Variants in TEK observed in about 807,000 individuals in gnomAD.
TEK encodes the protein angiopoietin-1 receptor.
In TEK, 43 loss-of-function variants were observed where a neutral mutation model predicts 131.8. That is an observed-to-expected ratio of 0.33 (90% CI 0.26 to 0.42). TEK has a LOEUF of 0.42. Among genes scored for constraint, TEK ranks in the 10% least tolerant of loss-of-function variants. The pLI is 1.00. For missense variants in TEK, 1,162 were observed against 1,384.4 expected, an observed-to-expected ratio of 0.84 and a Z score of 2.55; for synonymous variants, 580 against 491.6, an observed-to-expected ratio of 1.18 and a Z score of -2.38.
At chr9:27,136,496 C>T (rs1043274958) in intron 1 of TEK, among the ~76,000 whole-genome samples, 2 of 152,198 alleles carry the variant, frequency 1.3e-5, no homozygotes, top group African/African-American at 4.8e-5. Context: ...ATGTGCAGCT[C>T]AGCCTTCTAC....
chr9:27,129,725 A>T (rs1822136955), intron 1 of TEK, among the ~76,000 whole-genome samples: 1 of 152,162 alleles, frequency 6.6e-6, no homozygotes, highest in Admixed American at 6.5e-5. Flanking sequence ...CCTCCCTATC[A>T]TTGCCTCTGC....
intron 1 of TEK, among the ~76,000 whole-genome samples, chr9:27,128,268 T>A (rs1054958916): frequency 4.6e-5 from 7 of 152,198 alleles, no homozygotes; most frequent in African/African-American, 1.7e-4. Flanking sequence ...GTCAGGTTTG[T>A]TAAAGATAAG....
chr9:27,228,703 A>T (rs570910231), intron 22 of TEK, among the ~76,000 whole-genome samples: 1 of 152,166 alleles, frequency 6.6e-6, no homozygotes, highest in Admixed American at 6.6e-5. Flanking sequence ...ACTCCATAAA[A>T]ATTTCTAGAA....
chr9:27,160,121 C>A (rs942905745), intron 2 of TEK, among the ~76,000 whole-genome samples: 3 of 146,670 alleles, frequency 2.0e-5, no homozygotes, highest in African/African-American at 7.5e-5. Context: ...CTCCCGGGCT[C>A]ATGCTGTTCT....
intron 19 of TEK, 115 bp from the exon 20 acceptor site, chr9:27,218,662 A>G: frequency 9.7e-7 from 1 of 1,032,726 alleles, no homozygotes; most frequent in East Asian, 2.4e-5. Context: ...CCTAGGATGT[A>G]GACATTTAAC....
At position 27,192,561 on chromosome 9, in the gene TEK, G is replaced by A. The variant is rs766717660; in HGVS notation, c.1562G>A (p.Arg521His). Reference protein sequence around the residue: ...TEYELCVQLVRRGEGGEGHPG... With the variant: ...TEYELCVQLVHRGEGGEGHPG... Reference sequence around the variant, plus strand: ...TATGAACTCTGTGTGCAACTGGTCCGTCGTGGAGAGGGTGGGGAAGGGCAT... The same window carrying A: ...TATGAACTCTGTGTGCAACTGGTCCATCGTGGAGAGGGTGGGGAAGGGCAT... The change falls in exon 11 of 23, where the codon CGT becomes CAT. Residue 521 changes from arginine (R) to histidine (H), a missense_variant. Physicochemically the swap from Arg to His is conservative, Grantham distance 29 (BLOSUM62 0). This residue lies in a region of TEK where 477 missense variants were observed against 471.0 expected (regional missense o/e 1.01). Coordinates refer to ENST00000380036, the MANE Select transcript of TEK (RefSeq NM_000459.5). 12 of 1,613,808 alleles carry A rather than the reference G, an allele frequency of 7.4e-6. No individual in the cohort carries two copies. Among genetic ancestry groups the A allele is most frequent in the East Asian group, 2.2e-5 (1 of 44,862 alleles).
intron 21 of TEK, among the ~76,000 whole-genome samples, chr9:27,221,600 G>C (rs990761792): frequency 6.6e-6 from 1 of 152,214 alleles, no homozygotes; most frequent in South Asian, 2.1e-4. Context: ...TGCAGCCTCT[G>C]CTAGTGATAT....
chr9:27,221,324 A>G (rs1363727329), intron 21 of TEK, among the ~76,000 whole-genome samples: 2 of 152,234 alleles, frequency 1.3e-5, no homozygotes, highest in East Asian at 1.9e-4. Context: ...ACCTAGTGGT[A>G]AGGGTGGCTG....
chr9:27,224,995 C>A (rs1826255341), intron 21 of TEK, among the ~76,000 whole-genome samples: 1 of 152,206 alleles, frequency 6.6e-6, no homozygotes, highest in Non-Finnish European at 1.5e-5. Context: ...CATGAGTGAA[C>A]TCTCATTCAC....
chr9:27,112,805 A>T (rs1587467748), intron 1 of TEK, among the ~76,000 whole-genome samples: 2 of 152,204 alleles, frequency 1.3e-5, no homozygotes, highest in African/African-American at 4.8e-5. Context: ...ACCATTTCAA[A>T]ATAGGTAAAT....
chr9:27,225,612 A>G (rs181739769), intron 21 of TEK, among the ~76,000 whole-genome samples: 47 of 151,954 alleles, frequency 3.1e-4, no homozygotes, highest in African/African-American at 1.1e-3. Flanking sequence ...AGACAAACGT[A>G]AAATCTAAAA....
At chr9:27,162,776 C>T (rs573794555) in intron 2 of TEK, among the ~76,000 whole-genome samples, 190 of 151,800 alleles carry the variant, frequency 1.3e-3, no homozygotes, top group Non-Finnish European at 4.6e-4. Context: ...AGTGCAGTGG[C>T]GCGATCTCGG....
chr9:27,142,586 G>T (rs1702670143), intron 1 of TEK, among the ~76,000 whole-genome samples: 1 of 152,218 alleles, frequency 6.6e-6, no homozygotes, highest in African/African-American at 2.4e-5. Context: ...AGAGAAATCT[G>T]CTATTTTAGA....
intron 1 of TEK, among the ~76,000 whole-genome samples, chr9:27,120,885 C>T (rs938843677): frequency 2.6e-5 from 4 of 152,168 alleles, no homozygotes; most frequent in Non-Finnish European, 5.9e-5. Context: ...TTGGTACTTG[C>T]CTTTGTCATA....
At chr9:27,218,917 T>C (rs1825932125) in intron 20 of TEK, 100 bp downstream of exon 20, 2 of 1,185,542 alleles carry the variant, frequency 1.7e-6, no homozygotes, top group Non-Finnish European at 2.5e-6. Context: ...GCCGTTTGTA[T>C]GTGGTTCTAC....
intron 11 of TEK, among the ~76,000 whole-genome samples, chr9:27,196,206 T>G (rs1270334792): frequency 6.6e-6 from 1 of 152,248 alleles, no homozygotes; most frequent in Non-Finnish European, 1.5e-5. Flanking sequence ...GACATAACTT[T>G]TAGCATGCCT....
intron 1 of TEK, among the ~76,000 whole-genome samples, chr9:27,135,564 C>T (rs1298737473): frequency 2.0e-5 from 3 of 152,078 alleles, no homozygotes; most frequent in East Asian, 1.9e-4. Flanking sequence ...ATAAAATTTA[C>T]GAAAATTTTT....
intron 18 of TEK, among the ~76,000 whole-genome samples, chr9:27,216,597 T>C (rs1178428374): frequency 6.6e-6 from 1 of 152,180 alleles, no homozygotes; most frequent in Non-Finnish European, 1.5e-5. Context: ...GAAAAAATAC[T>C]TCCATACTTG....
At chr9:27,203,153 A>G in intron 13 of TEK, 34 bp downstream of exon 13, 1 of 1,610,488 alleles carries the variant, frequency 6.2e-7, no homozygotes, top group Non-Finnish European at 8.5e-7. Flanking sequence ...ACATAGGATT[A>G]CCGTGCAGCC....
Sources: allele counts gnomAD v4.1 joint callset (sites outside exome capture counted in the v4.1 genomes callset), GRCh38; gene constraint gnomAD v4.1.1; regional missense constraint gnomAD v4.1.1; transcripts MANE v1.5; gene names NCBI Gene and HGNC (gene_info 2026-07-23, HGNC 2026-07-21).